The following NAIP variants were observed in gnomAD, a reference collection of about 807,000 sequenced individuals.
NAIP encodes the protein baculoviral IAP repeat-containing protein 1.
Under a neutral mutation model 23.0 loss-of-function variants are expected in NAIP, and 15 were observed. The ratio of observed to expected loss-of-function variants is 0.65; its 90% CI spans 0.44 to 1.00. The LOEUF is 1.00. Among genes scored for constraint, NAIP ranks in the 50% least tolerant of loss-of-function variants. The pLI, the probability that NAIP is intolerant of heterozygous loss-of-function variation, is 0.00. For missense variants in NAIP, 265 were observed against 278.8 expected (o/e 0.95, Z 0.35); for synonymous variants, 100 against 100.2 (o/e 1.00, Z 0.01).
Position 71,012,782 on chromosome 5 carries a change from T to C in NAIP, c.134A>G (p.Glu45Gly), listed in dbSNP as rs774507659. The stretch of plus-strand genomic sequence containing the variant: ...GTAGCCTTTCTGCATTTTTGCTCGC[T>C]CCTTCTGCTCCTCTTCTTCTAGTTC... ...AKELEEEEQKERAKMQKGYNS... is the reference protein window; with the variant it reads ...AKELEEEEQKGRAKMQKGYNS... Residue 45 changes from glutamate to glycine, a missense_variant, in exon 4 of 17, where the codon GAG (glutamate) becomes GGG (glycine). Transcript: ENST00000517649. 1.2e-6 allele frequency: 2 copies of C among 1,612,014 alleles called. No individual in the cohort carries two copies. Among genetic ancestry groups the C allele is most frequent in the South Asian group, 2.2e-5 (2 of 90,982 alleles).
chr5:71,013,017 C>T, intron 3 of NAIP, 99 bp from the exon 4 acceptor site: 1 of 1,069,570 alleles, frequency 9.3e-7, no homozygotes. Flanking sequence ...TAAAGGAATG[C>T]CTGGAATTTC....
At chr5:71,010,868 G>C (rs1015606415) in intron 5 of NAIP, among the ~76,000 whole-genome samples, 2 of 151,302 alleles carry the variant, frequency 1.3e-5, no homozygotes, top group African/African-American at 2.4e-5. Flanking sequence ...ATTTTGAATA[G>C]GGAAAGATCA....
In NAIP at chr5:71,012,680, T is replaced by C; in HGVS notation, c.236A>G (p.Gln79Arg). 1 of 1,611,882 alleles carries C rather than the reference T, an allele frequency of 6.2e-7. No homozygotes were observed. Among genetic ancestry groups the C allele is most frequent in the Non-Finnish European group, 8.5e-7 (1 of 1,178,436 alleles). Residue 79 changes from glutamine (Q) to arginine (R), a missense_variant, in exon 4 of 17, where the codon CAG becomes CGG. By Grantham distance (43) the Gln-to-Arg change is conservative. This residue lies in a region of NAIP where 261 missense variants were observed against 259.2 expected (regional missense o/e 1.01). Coordinates refer to ENST00000517649, the MANE Select transcript of NAIP (RefSeq NM_004536.3). ...GTAAAACCCAGCGGCCGCCATCTCCTGTGGTATCCATGAGCTGTACGGCTC... is the reference window on the plus strand; with the variant it reads ...GTAAAACCCAGCGGCCGCCATCTCCCGTGGTATCCATGAGCTGTACGGCTC... ...TYEPYSSWIPQEMAAAGFYFT... is the reference protein window; with the variant it reads ...TYEPYSSWIPREMAAAGFYFT...
chr5:71,011,386 G>A lies in NAIP; in HGVS notation c.569-12C>T, dbSNP rs763593095. The A allele has an allele frequency of 6.4e-7, 1 of 1,574,514 alleles. No homozygotes were observed. The highest frequency in any genetic ancestry group is 8.7e-7 in the Non-Finnish European group (1 of 1,153,380). On this transcript the variant is annotated splice_polypyrimidine_tract_variant and intron_variant, in intron 4 of 16. Transcript: ENST00000517649. ...CGTGTCCTGTTTACCTATATATGAA[G>A]GAAAATATTTAGATTGCCTGGCAGT...
chr5:70,980,792 TTAGA>T (rs1433389392), intron 12 of NAIP, among the ~76,000 whole-genome samples: 2 of 23,850 alleles, frequency 8.4e-5, no homozygotes, highest in African/African-American at 4.1e-4. Context: ...CAATGGATTC[TTAGA>T]TAGGACACCA....
chr5:71,011,712 G>T, intron 4 of NAIP: 1 of 450,490 alleles, frequency 2.2e-6, no homozygotes, highest in Non-Finnish European at 4.2e-6. Context: ...GAAAACCTAC[G>T]TTTTAGCCTT....
chr5:70,996,815 T>C (rs1750695292), intron 9 of NAIP, among the ~76,000 whole-genome samples: 1 of 116,696 alleles, frequency 8.6e-6, no homozygotes, highest in Non-Finnish European at 1.8e-5. Flanking sequence ...AAAAAAAAAT[T>C]AAGCAGATGG....
intron 5 of NAIP, among the ~76,000 whole-genome samples, chr5:71,008,816 A>AAAAAAAAG (rs1751007405): frequency 8.0e-6 from 1 of 125,578 alleles, no homozygotes; most frequent in Non-Finnish European, 1.5e-5. Context: ...AAAAAAAAAA[A>AAAAAAAAG]AAAGAAAGAA....
intron 16 of NAIP, among the ~76,000 whole-genome samples, chr5:70,972,940 G>A (rs1371683984): frequency 3.6e-5 from 2 of 56,236 alleles, no homozygotes; most frequent in African/African-American, 9.8e-5. Flanking sequence ...TCGTTCTGTT[G>A]CCCAGGCTGG....
intron 3 of NAIP, among the ~76,000 whole-genome samples, chr5:71,013,482 C>CA (rs1021942647): frequency 2.7e-5 from 4 of 149,870 alleles, no homozygotes; most frequent in Non-Finnish European, 4.5e-5. Flanking sequence ...ACTAAAACTA[C>CA]AAAAAAAATT....
At chr5:71,009,362 C>CAA (rs555440243) in intron 5 of NAIP, among the ~76,000 whole-genome samples, 429 of 99,500 alleles carry the variant, frequency 4.3e-3, no homozygotes, top group East Asian at 5.5e-3. Flanking sequence ...AACTCACTCT[C>CAA]AAAAAAAAAA....
intron 5 of NAIP, 95 bp downstream of exon 5, chr5:71,011,180 C>A: frequency 3.3e-6 from 3 of 905,290 alleles, no homozygotes; most frequent in Non-Finnish European, 3.3e-6. Context: ...TTGCACCGAG[C>A]TGAAGTCATG....
chr5:71,009,786 C>G (rs1751060759), intron 5 of NAIP, among the ~76,000 whole-genome samples: 1 of 151,726 alleles, frequency 6.6e-6, no homozygotes, highest in South Asian at 2.1e-4. Flanking sequence ...ATTTATTACA[C>G]TATTCTATCT....
rs1017612196 is a variant in NAIP at position 70,989,214 on chromosome 5, A to AAAAC, written c.1023-1344_1023-1341dup. On this transcript the variant is annotated intron_variant, in intron 9 of 16. Transcript: ENST00000517649. ...GCAACAGGAGTGAAACTCTGTCTCA[A>AAAAC]AAACAAACAAACAAACAAACAAAAA... Among the ~76,000 whole-genome samples, 37 of 89,312 alleles carry AAAAC rather than the reference A, an allele frequency of 4.1e-4. 2 individuals carry two copies. The highest frequency in any genetic ancestry group is 1.7e-3 in the African/African-American group (25 of 14,790). The allele number at this position is 89,312 out of a possible 152,430, so 58.6% of individuals were successfully genotyped here. A position where few individuals can be genotyped will look rare whatever the true frequency, so the allele number is the denominator to read the frequency against.
At chr5:71,016,272 C>A (rs1270184863) in intron 3 of NAIP, among the ~76,000 whole-genome samples, 3 of 146,996 alleles carry the variant, frequency 2.0e-5, no homozygotes, top group African/African-American at 7.5e-5. Flanking sequence ...CCAGCCTGGA[C>A]AACAGAGTGA....
At chr5:71,011,221 A>G in intron 5 of NAIP, 54 bp downstream of exon 5, 5 of 1,396,192 alleles carry the variant, frequency 3.6e-6, no homozygotes, top group South Asian at 1.3e-5. Flanking sequence ...TGGCAGAGCA[A>G]GACTGTCTCA....
In NAIP at chr5:71,011,308, T is replaced by A. The variant is rs1305968513; in HGVS notation, c.635A>T (p.Asp212Val). Residue 212 changes from aspartate (D) to valine (V), a missense_variant, in exon 5 of 17, where the codon GAT becomes GTT. Physicochemically the swap from Asp to Val is radical, Grantham distance 152. Coordinates refer to ENST00000517649, the MANE Select transcript of NAIP (RefSeq NM_004536.3). ...GCLGNWEEGD[D>V]PWKEHAKWFP... ...CCATTTGGCATGTTCCTTCCAAGGA[T>A]CATCTCCTTCTTCCCAATTTCCTAA... The A allele has an allele frequency of 6.2e-7, 1 of 1,606,234 alleles. No individual in the cohort carries two copies. The highest frequency in any genetic ancestry group is 1.7e-5 in the Admixed American group (1 of 59,244).
At chr5:71,009,625 G>T (rs1419077941) in intron 5 of NAIP, among the ~76,000 whole-genome samples, 2 of 151,454 alleles carry the variant, frequency 1.3e-5, no homozygotes, top group African/African-American at 4.9e-5. Context: ...GAGAGGTGGA[G>T]GTTGCAGTGA....
chr5:71,011,315 C>T lies in NAIP; in HGVS notation c.628G>A (p.Gly210Arg). 6.2e-7 allele frequency: 1 copy of T among 1,607,258 alleles called. No homozygotes were observed. Among genetic ancestry groups the T allele is most frequent in the Non-Finnish European group, 8.5e-7 (1 of 1,176,094 alleles). ...CGGCLGNWEEGDDPWKEHAKW... is the reference protein window; with the variant it reads ...CGGCLGNWEERDDPWKEHAKW... The stretch of plus-strand genomic sequence containing the variant: ...GCATGTTCCTTCCAAGGATCATCTC[C>T]TTCTTCCCAATTTCCTAAACATCCA... The change falls in exon 5 of 17, where the codon GGA becomes AGA. Residue 210 changes from glycine to arginine, a missense_variant. Physicochemically the swap from Gly to Arg is moderately radical, Grantham distance 125 (BLOSUM62 -2). Transcript: ENST00000517649.
Sources: gnomAD v4.1 joint callset for allele counts (sites outside exome capture counted in the v4.1 genomes callset) on GRCh38, gnomAD v4.1.1 for gene constraint, gnomAD v4.1.1 regional missense constraint, MANE v1.5 for transcripts, NCBI Gene and HGNC (gene_info 2026-07-23, HGNC 2026-07-21) for gene names.